Variants in ARID4B observed in about 807,000 individuals in gnomAD.
ARID4B encodes AT-rich interactive domain-containing protein 4B.
A neutral mutation model predicts 147.5 loss-of-function variants in ARID4B; 26 were observed. That is an observed-to-expected ratio of 0.18 (90% CI 0.13 to 0.24). The LOEUF (loss-of-function observed/expected upper bound fraction) is 0.24, where lower values mean the gene tolerates loss of function less well. ARID4B is among the 10% of genes least tolerant of loss of function. ARID4B has a pLI of 1.00. For synonymous variants in ARID4B, 512 were observed against 507.9 expected (o/e 1.01, Z -0.11); for missense variants, 1,179 against 1,511.5 (o/e 0.78, Z 3.65).
intron 2 of ARID4B, among the ~76,000 whole-genome samples, chr1:235,301,696 C>T (rs1191623251): frequency 6.6e-6 from 1 of 151,306 alleles, no homozygotes; most frequent in Non-Finnish European, 1.5e-5. Context: ...ACCACAGGTG[C>T]CCACCACCTT....
At chr1:235,201,291 C>A (rs544628747) in intron 17 of ARID4B, among the ~76,000 whole-genome samples, 5 of 152,152 alleles carry the variant, frequency 3.3e-5, no homozygotes, top group Admixed American at 3.3e-4. Flanking sequence ...GATATCTATT[C>A]ATCCCCGAAA....
intron 2 of ARID4B, among the ~76,000 whole-genome samples, chr1:235,292,233 T>C (rs1220655127): frequency 6.6e-6 from 1 of 152,240 alleles, no homozygotes; most frequent in Non-Finnish European, 1.5e-5. Flanking sequence ...ACAGAAACTT[T>C]GCATCCTCAA....
intron 8 of ARID4B, among the ~76,000 whole-genome samples, chr1:235,236,833 A>ATATATATATATATATATATATATGT: frequency 3.0e-5 from 1 of 33,522 alleles, no homozygotes; most frequent in Non-Finnish European, 4.7e-5. Flanking sequence ...TTTTATAAAA[A>ATATATATATATATATATATATATGT]ATATATATAT....
chr1:235,321,276 A>T (rs1352970413), intron 2 of ARID4B, among the ~76,000 whole-genome samples: 2 of 152,214 alleles, frequency 1.3e-5, no homozygotes, highest in Non-Finnish European at 2.9e-5. Flanking sequence ...CCACAAATTT[A>T]TAGCACAAAA....
chr1:235,316,087 T>C (rs897689284), intron 2 of ARID4B, among the ~76,000 whole-genome samples: 1 of 152,116 alleles, frequency 6.6e-6, no homozygotes. Flanking sequence ...TTCCAGGAAA[T>C]TATTTTGGAA....
intron 21 of ARID4B, 175 bp downstream of exon 21, chr1:235,177,625 T>G (rs1455813334): frequency 2.0e-6 from 1 of 500,234 alleles, no homozygotes; most frequent in Non-Finnish European, 3.5e-6. Context: ...GTTTTTTTTT[T>G]GTCTATTTTG....
chr1:235,238,685 G>A (rs781046863), intron 8 of ARID4B, among the ~76,000 whole-genome samples: 14 of 152,022 alleles, frequency 9.2e-5, no homozygotes, highest in Admixed American at 2.0e-4. Context: ...GGGAGACCTC[G>A]TATTTACAAA....
At chr1:235,202,846 G>A (rs1337667047) in intron 17 of ARID4B, among the ~76,000 whole-genome samples, 1 of 152,026 alleles carries the variant, frequency 6.6e-6, no homozygotes, top group African/African-American at 2.4e-5. Flanking sequence ...CACCACACCT[G>A]GCCGTAGAAT....
At chr1:235,193,078 A>G (rs1276818988) in intron 19 of ARID4B, among the ~76,000 whole-genome samples, 1 of 145,486 alleles carries the variant, frequency 6.9e-6, no homozygotes, top group Non-Finnish European at 1.5e-5. Flanking sequence ...TGGGTGACAG[A>G]GCGAGACTCC....
chr1:235,206,050 A>G (rs1666289075), intron 17 of ARID4B, among the ~76,000 whole-genome samples: 2 of 152,198 alleles, frequency 1.3e-5, no homozygotes, highest in South Asian at 4.1e-4. Flanking sequence ...TATTATAGGT[A>G]TCACTTTAAA....
intron 10 of ARID4B, among the ~76,000 whole-genome samples, chr1:235,230,605 A>AAAAAAAAAAAAAAAAAAAC (rs1668146015): frequency 7.7e-6 from 1 of 130,030 alleles, no homozygotes; most frequent in African/African-American, 2.9e-5. Flanking sequence ...AAAAAAAAAA[A>AAAAAAAAAAAAAAAAAAAC]AAAAAAAAAA....
chr1:235,195,968 G>A (rs1338496824), intron 18 of ARID4B, 63 bp downstream of exon 18: 4 of 945,450 alleles, frequency 4.2e-6, no homozygotes, highest in Non-Finnish European at 5.0e-6. Flanking sequence ...ATATTTAATT[G>A]CATCATTTGG....
intron 11 of ARID4B, among the ~76,000 whole-genome samples, chr1:235,226,217 C>T (rs1444952576): frequency 6.6e-6 from 1 of 152,206 alleles, no homozygotes; most frequent in African/African-American, 2.4e-5. Context: ...TTATATTTTA[C>T]ACACTATGAC....
chr1:235,246,734 G>A (rs576510074), intron 6 of ARID4B, among the ~76,000 whole-genome samples: 2 of 152,120 alleles, frequency 1.3e-5, no homozygotes, highest in African/African-American at 4.8e-5. Flanking sequence ...AAAGAAATTT[G>A]GCTGCTCTCT....
Position 235,219,829 on chromosome 1 carries a change from A to G in ARID4B, c.1547T>C (p.Ile516Thr), listed in dbSNP as rs1558214593. Residue 516 changes from isoleucine (I) to threonine (T), a missense_variant, in exon 16 of 24, where the codon ATA (isoleucine) becomes ACA (threonine). By Grantham distance (89) the Ile-to-Thr change is moderately conservative. Transcript: ENST00000264183. ...TTTTTCTTCCTCAGCTTCTACCTTT[A>G]TGTTGAGGGATTCATCTACCCTAGT... ...DTTRVDESLN[I>T]KVEAEEEKAK... is the part of the protein sequence containing the mutation. 6.2e-7 allele frequency: 1 copy of G among 1,602,286 alleles called. No homozygotes were observed. Among genetic ancestry groups the G allele is most frequent in the Non-Finnish European group, 8.5e-7 (1 of 1,177,340 alleles).
intron 14 of ARID4B, 104 bp downstream of exon 14, chr1:235,221,461 T>C: frequency 1.6e-6 from 1 of 625,528 alleles, no homozygotes; most frequent in South Asian, 2.2e-5. Context: ...AGTAAAATGT[T>C]CTGATTTCTT....
chr1:235,307,168 G>C (rs1188207003), intron 2 of ARID4B, among the ~76,000 whole-genome samples: 1 of 152,212 alleles, frequency 6.6e-6, no homozygotes, highest in African/African-American at 2.4e-5. Flanking sequence ...GTCTGGCTGG[G>C]TGCAGTGGCT....
Position 235,236,838 on chromosome 1 carries a change from A to ATATATATATATATATATATGTG in ARID4B, c.586-2347_586-2346insCACATATATATATATATATATA, listed in dbSNP as rs1236963554. 3.9e-3 allele frequency among the ~76,000 whole-genome samples: 108 copies of ATATATATATATATATATATGTG among 27,846 alleles called. 10 individuals are homozygous for ATATATATATATATATATATGTG. The highest frequency in any genetic ancestry group is 6.8e-3 in the Non-Finnish European group (95 of 14,046). 18.3% of individuals were successfully genotyped at this position (27,846 alleles called of 152,430 possible). A position where few individuals can be genotyped will look rare whatever the true frequency, so the allele number is the denominator to read the frequency against. On this transcript the variant is annotated intron_variant, in intron 8 of 23. Transcript: ENST00000264183. ...CACAAAACGGTTTTATAAAAAATAT[A>ATATATATATATATATATATGTG]TATATATATATATATATATATATAT... is the stretch of plus-strand genomic sequence containing the variant.
At chr1:235,168,745 A>C (rs758426461) in intron 23 of ARID4B, 93 bp from the exon 24 acceptor site, 1 of 1,336,268 alleles carries the variant, frequency 7.5e-7, no homozygotes. Context: ...AAATTCCGCT[A>C]TATTGTCCAA....
Sources: gnomAD v4.1 joint callset for allele counts (sites outside exome capture counted in the v4.1 genomes callset) on GRCh38, gnomAD v4.1.1 for gene constraint, MANE v1.5 for transcripts, NCBI Gene and HGNC (gene_info 2026-07-23, HGNC 2026-07-21) for gene names.